Variants in WNK1 observed in about 807,000 individuals in gnomAD.
WNK1 encodes the protein serine/threonine-protein kinase WNK1.
In WNK1, 38 loss-of-function variants were observed where a neutral mutation model predicts 222.8. The ratio of observed to expected loss-of-function variants is 0.17; its 90% CI spans 0.13 to 0.22. The LOEUF is 0.22. Ranked by LOEUF, WNK1 falls within the 10% of genes least tolerant of loss-of-function variation. WNK1 has a pLI of 1.00. For missense variants in WNK1, 2,348 were observed against 2,918.4 expected, an observed-to-expected ratio of 0.80 and a Z score of 4.50; for synonymous variants, 1,090 against 1,092.9, an observed-to-expected ratio of 1.00 and a Z score of 0.05.
At chr12:843,426 A>ATT (rs1448467522) in intron 4 of WNK1, among the ~76,000 whole-genome samples, 1 of 152,254 alleles carries the variant, frequency 6.6e-6, no homozygotes, top group Non-Finnish European at 1.5e-5. Flanking sequence ...TATCAATAAC[A>ATT]TTTTTATGAC....
At chr12:769,160 C>G (rs1942144895) in intron 1 of WNK1, among the ~76,000 whole-genome samples, 1 of 152,036 alleles carries the variant, frequency 6.6e-6, no homozygotes, top group African/African-American at 2.4e-5. Flanking sequence ...GAAATACTTT[C>G]AAACATAACA....
At position 868,014 on chromosome 12, in the gene WNK1, C is replaced by T. The variant is rs1280222382; in HGVS notation, c.2140-3251C>T. ...GCCATTTCCCAGCGGCGTAAGAGCA[C>T]CTCCTTCCTGGAAGCCCAAACTCAC... On this transcript the variant is annotated intron_variant, in intron 8 of 27. Coordinates refer to ENST00000315939, the MANE Select transcript of WNK1 (RefSeq NM_018979.4). The T allele has an allele frequency of 8.1e-6, 13 of 1,613,906 alleles. No homozygotes were observed. The highest frequency in any genetic ancestry group is 3.3e-5 in the Admixed American group (2 of 59,998).
chr12:885,971 T>G lies in WNK1; in HGVS notation c.5167T>G (p.Leu1723Val). ...CAATTTACCACTAGGAACAGTTGCT[T>G]TGCCAGTTACACCAGTGGTCACACC... ...PTNLPLGTVA[L>V]PVTPVVTPGQ... The change falls in exon 19 of 28, where the codon TTG becomes GTG. Residue 1723 changes from leucine (L) to valine (V), a missense_variant. Coordinates refer to ENST00000315939, the MANE Select transcript of WNK1 (RefSeq NM_018979.4). 1.3e-6 allele frequency: 2 copies of G among 1,591,420 alleles called. No homozygotes were observed. The highest frequency in any genetic ancestry group is 1.7e-6 in the Non-Finnish European group (2 of 1,169,720).
intron 17 of WNK1, 65 bp downstream of exon 17, chr12:883,896 C>T: frequency 2.5e-6 from 4 of 1,587,028 alleles, no homozygotes; most frequent in Non-Finnish European, 3.4e-6. Context: ...AGGGTGGTGG[C>T]AGGCTTCTGT....
At chr12:791,254 CACAT>C (rs1036672625) in intron 1 of WNK1, among the ~76,000 whole-genome samples, 5 of 150,938 alleles carry the variant, frequency 3.3e-5, no homozygotes, top group African/African-American at 9.8e-5. Context: ...CACACACACA[CACAT>C]ACACAAAATT....
At chr12:797,502 T>C (rs539960744) in intron 1 of WNK1, among the ~76,000 whole-genome samples, 1 of 152,208 alleles carries the variant, frequency 6.6e-6, no homozygotes, top group Non-Finnish European at 1.5e-5. Context: ...GCAATCCTAA[T>C]GATAGTATGC....
intron 2 of WNK1, among the ~76,000 whole-genome samples, chr12:826,793 C>T (rs980282894): frequency 9.2e-5 from 14 of 152,146 alleles, no homozygotes; most frequent in African/African-American, 3.1e-4. Flanking sequence ...AAACTAGTTA[C>T]CTAATACTAT....
chr12:874,448 G>A (rs1430378527), intron 9 of WNK1, among the ~76,000 whole-genome samples: 24 of 152,118 alleles, frequency 1.6e-4, no homozygotes, highest in Admixed American at 1.6e-3. Flanking sequence ...GTTAATACAA[G>A]GGTCACTGTC....
At position 878,235 on chromosome 12, in the gene WNK1, C is replaced by T; in HGVS notation, c.2247C>T (p.Ala749=). The T allele has an allele frequency of 1.9e-6, 3 of 1,614,104 alleles. No homozygotes were observed. Among genetic ancestry groups the T allele is most frequent in the Non-Finnish European group, 2.5e-6 (3 of 1,180,014 alleles). Residue 749 remains alanine (A), a synonymous_variant, in exon 10 of 28, where the codon GCC becomes GCT. Transcript: ENST00000315939. ...PQQQQGIQQT[A]PPQQTVQYSL... ...AGCAGCAGGGAATACAGCAGACAGC[C>T]CCTCCTCAACAGACAGTGCAGTATT...
intron 2 of WNK1, among the ~76,000 whole-genome samples, chr12:814,374 C>T (rs1203176931): frequency 6.6e-6 from 1 of 151,458 alleles, no homozygotes; most frequent in Non-Finnish European, 1.5e-5. Context: ...GTCAAGGTAG[C>T]CCTCTAGTGG....
intron 1 of WNK1, among the ~76,000 whole-genome samples, chr12:755,343 A>T (rs1164290298): frequency 6.6e-6 from 1 of 152,234 alleles, no homozygotes; most frequent in Non-Finnish European, 1.5e-5. Flanking sequence ...GACCAGCCTG[A>T]TACAGGATAT....
chr12:785,402 C>CT (rs1944181140), intron 1 of WNK1, among the ~76,000 whole-genome samples: 1 of 33,396 alleles, frequency 3.0e-5, no homozygotes, highest in African/African-American at 1.5e-4. Flanking sequence ...ATTTTCTCCC[C>CT]CCCCCCCACC....
At chr12:894,695 A>C in intron 23 of WNK1, 60 bp downstream of exon 23, 1 of 1,468,704 alleles carries the variant, frequency 6.8e-7, no homozygotes. Context: ...TCTATATAAT[A>C]AAATTACTGC....
chr12:881,518 C>T, intron 12 of WNK1, 174 bp from the exon 13 acceptor site: 1 of 661,296 alleles, frequency 1.5e-6, no homozygotes, highest in Non-Finnish European at 2.7e-6. Flanking sequence ...TAGCAACTTC[C>T]TTTGGAATTT....
intron 1 of WNK1, among the ~76,000 whole-genome samples, chr12:789,842 C>T (rs113666846): frequency 6.6e-6 from 1 of 152,312 alleles, no homozygotes; most frequent in Non-Finnish European, 1.5e-5. Context: ...CCCCTTATGG[C>T]CCTATTTTCA....
In WNK1 at chr12:878,245, C is replaced by A. The variant is rs1952802350; in HGVS notation, c.2257C>A (p.Gln753Lys). 1.9e-6 allele frequency: 3 copies of A among 1,614,176 alleles called. No individual in the cohort carries two copies. Among genetic ancestry groups the A allele is most frequent in the African/African-American group, 2.7e-5 (2 of 75,050 alleles). ...QGIQQTAPPQ[Q>K]TVQYSLSQTS... ...AATACAGCAGACAGCCCCTCCTCAACAGACAGTGCAGTATTCACTTTCACA... is the reference window on the plus strand; with the variant it reads ...AATACAGCAGACAGCCCCTCCTCAAAAGACAGTGCAGTATTCACTTTCACA... Residue 753 changes from glutamine to lysine, a missense_variant, in exon 10 of 28, where the codon CAG becomes AAG. Around this residue, in one of 13 missense-constraint regions of WNK1, gnomAD observed 547 missense variants for 558.3 expected, o/e 0.98. Coordinates refer to ENST00000315939, the MANE Select transcript of WNK1 (RefSeq NM_018979.4).
At chr12:860,880 C>G in intron 6 of WNK1, 133 bp from the exon 7 acceptor site, 4 of 874,980 alleles carry the variant, frequency 4.6e-6, no homozygotes, top group Non-Finnish European at 7.3e-6. Context: ...AAGGCCAGTC[C>G]TGAGAGAATT....
At chr12:859,606 G>A (rs1467604260) in intron 6 of WNK1, 142 bp downstream of exon 6, 1 of 440,142 alleles carries the variant, frequency 2.3e-6, no homozygotes, top group Non-Finnish European at 3.9e-6. Flanking sequence ...AGTTATCTTT[G>A]ATTAGTGGGA....
intron 1 of WNK1, among the ~76,000 whole-genome samples, chr12:804,939 T>TTA (rs61588639): frequency 4.6e-4 from 68 of 146,278 alleles, no homozygotes; most frequent in African/African-American, 1.5e-3. Flanking sequence ...TTTATAAATA[T>TTA]TATATATATA....
Sources: allele counts gnomAD v4.1 joint callset (sites outside exome capture counted in the v4.1 genomes callset), GRCh38; gene constraint gnomAD v4.1.1; regional missense constraint gnomAD v4.1.1; transcripts MANE v1.5; gene names NCBI Gene and HGNC (gene_info 2026-07-23, HGNC 2026-07-21).